The following PYGB variants were observed in gnomAD, a reference collection of about 807,000 sequenced individuals.
PYGB encodes glycogen phosphorylase B.
A neutral mutation model predicts 94.3 loss-of-function variants in PYGB; 82 were observed. The ratio of observed to expected loss-of-function variants is 0.87; its 90% confidence interval spans 0.73 to 1.04. The LOEUF is 1.04. Among genes scored for constraint, PYGB ranks in the 50% least tolerant of loss-of-function variants. The pLI is 0.00. For synonymous variants in PYGB, 488 were observed against 479.1 expected (o/e 1.02, Z -0.24); for missense variants, 1,132 against 1,158.2 (o/e 0.98, Z 0.33).
intron 16 of PYGB, among the ~76,000 whole-genome samples, chr20:25,291,229 G>C (rs563183059): frequency 3.9e-5 from 6 of 152,236 alleles, no homozygotes; most frequent in Non-Finnish European, 8.8e-5. Flanking sequence ...GCCTGGGCCA[G>C]TCCTGGGGAG....
rs1568705135 is a variant in PYGB at position 25,297,975 on chromosome 20, TAAA to T, written c.*1456_*1458del. On this transcript the variant is annotated 3_prime_UTR_variant, in exon 20 of 20. Transcript: ENST00000216962. ...CCCTCATTGTTACTGCCTTGTGAGA[TAAA>T]AACTGATTAAACCTTTGTGGCTGTG... 6.6e-6 allele frequency: 1 copy of T among 152,244 alleles called. No homozygotes were observed. Among genetic ancestry groups the T allele is most frequent in the African/African-American group, 2.4e-5 (1 of 41,388 alleles). The allele number at this position is 152,244 out of a possible 1,614,324, so 9.4% of individuals were successfully genotyped here.
intron 12 of PYGB, among the ~76,000 whole-genome samples, chr20:25,282,514 C>T (rs367700756): frequency 6.0e-4 from 91 of 152,382 alleles, no homozygotes; most frequent in African/African-American, 1.9e-3. Context: ...GAAATGAGTG[C>T]TGAGGTGTCA....
chr20:25,288,620 T>C (rs553242285), intron 15 of PYGB, 137 bp downstream of exon 15: 1 of 1,008,994 alleles, frequency 9.9e-7, no homozygotes, highest in South Asian at 1.5e-5. Flanking sequence ...CCCTCTGGTA[T>C]GCCTGTGGGG....
In PYGB at chr20:25,266,912, T is replaced by A. The variant is rs533090990; in HGVS notation, c.346-2217T>A. Among the ~76,000 whole-genome samples the A allele has an allele frequency of 8.8e-4, 134 of 152,312 alleles. 1 individual carries two copies. The highest frequency in any genetic ancestry group is 3.1e-3 in the African/African-American group (130 of 41,560). ...GTGACTGTCAAATCTTGCAGTCACTTTGGAAAATAGTCTGCTAGTTACTAA... is the reference window on the plus strand; with the variant it reads ...GTGACTGTCAAATCTTGCAGTCACTATGGAAAATAGTCTGCTAGTTACTAA... On this transcript the variant is annotated intron_variant, in intron 2 of 19. Transcript: ENST00000216962.
At chr20:25,294,330 G>A (rs41282332) in intron 18 of PYGB, 38 bp downstream of exon 18, 6 of 1,425,658 alleles carry the variant, frequency 4.2e-6, no homozygotes, top group Non-Finnish European at 5.9e-6. Flanking sequence ...CTGGGAGGGA[G>A]GGAGGGAGGG....
rs200510961 is a variant in PYGB at position 25,297,106 on chromosome 20, A to G, written c.*584A>G. The G allele has an allele frequency of 1.5e-4, 23 of 156,102 alleles. No individual in the cohort carries two copies. Among genetic ancestry groups the G allele is most frequent in the Non-Finnish European group, 2.7e-4 (19 of 70,422 alleles). The allele number at this position is 156,102 out of a possible 1,614,324, so 9.7% of individuals were successfully genotyped here. On this transcript the variant is annotated 3_prime_UTR_variant, in exon 20 of 20. Coordinates refer to ENST00000216962, the MANE Select transcript of PYGB (RefSeq NM_002862.4). ...TCTGTCCTGGCTCTGCACCTGGTAT[A>G]TGGGTCATGGACCCAGATGGGGCTT...
chr20:25,250,376 T>C (rs1187565009), intron 1 of PYGB, among the ~76,000 whole-genome samples: 2 of 152,166 alleles, frequency 1.3e-5, no homozygotes, highest in African/African-American at 4.8e-5. Context: ...GGTTTTTTGA[T>C]CCTCCGTGAG....
intron 3 of PYGB, 120 bp downstream of exon 3, chr20:25,269,327 A>G (rs1459941717): frequency 1.4e-6 from 1 of 697,314 alleles, no homozygotes; most frequent in African/African-American, 1.8e-5. Context: ...TGGATGGGCC[A>G]GTGTGTTCTT....
chr20:25,283,002 A>C (rs2088382372), intron 12 of PYGB, among the ~76,000 whole-genome samples, 174 bp from the exon 13 acceptor site: 1 of 151,968 alleles, frequency 6.6e-6, no homozygotes, highest in African/African-American at 2.4e-5. Flanking sequence ...AAGAGGAAGG[A>C]GGGGCTGCTG....
At position 25,274,718 on chromosome 20, in the gene PYGB, A is replaced by G. The variant is rs2088295846; in HGVS notation, c.655A>G (p.Thr219Ala). 6.2e-7 allele frequency: 1 copy of G among 1,612,470 alleles called. No individual in the cohort carries two copies. Among genetic ancestry groups the G allele is most frequent in the Non-Finnish European group, 8.5e-7 (1 of 1,179,726 alleles). The stretch of plus-strand genomic sequence containing the variant: ...CCCCGACGGCGTGAAGTGGCTGGAC[A>G]CACAGGTACCTGGGCTGAAATGTCT... ...HTPDGVKWLD[T>A]QVVLAMPYDT... The change falls in exon 5 of 20, where the codon ACA (threonine) becomes GCA (alanine). Residue 219 changes from threonine to alanine, a missense_variant. Transcript: ENST00000216962.
chr20:25,280,231 A>G (rs879215996), intron 9 of PYGB, 35 bp from the exon 10 acceptor site: 11 of 1,604,350 alleles, frequency 6.9e-6, no homozygotes, highest in Non-Finnish European at 8.5e-6. Context: ...GCTTGTTTCT[A>G]AACAAACACA....
intron 2 of PYGB, among the ~76,000 whole-genome samples, chr20:25,259,740 A>AGTT (rs1232858288): frequency 6.6e-6 from 1 of 152,050 alleles, no homozygotes; most frequent in African/African-American, 2.4e-5. Flanking sequence ...AGCTCACCCT[A>AGTT]GTTGTCTAGT....
rs539782148 is a variant in PYGB at position 25,296,205 on chromosome 20, G to C, written c.2380-165G>C. On this transcript the variant is annotated intron_variant, in intron 19 of 19. Coordinates refer to ENST00000216962, the MANE Select transcript of PYGB (RefSeq NM_002862.4). ...ATGCGGTAGCTTTCCTGGTCCGTGGGGTCCCCTTTTCAACGAACAAGTGAT... is the reference window on the plus strand; with the variant it reads ...ATGCGGTAGCTTTCCTGGTCCGTGGCGTCCCCTTTTCAACGAACAAGTGAT... Among the ~76,000 whole-genome samples, 2 of 152,270 alleles carry C rather than the reference G, an allele frequency of 1.3e-5. 1 individual carries two copies. Among genetic ancestry groups the C allele is most frequent in the African/African-American group, 4.8e-5 (2 of 41,556 alleles).
intron 18 of PYGB, chr20:25,294,641 C>T (rs996517781): frequency 4.0e-5 from 22 of 554,858 alleles, no homozygotes; most frequent in Non-Finnish European, 7.1e-5. Context: ...GGGCCCAAAA[C>T]TCCCTGGGGT....
chr20:25,263,595 G>A (rs1267392221), intron 2 of PYGB, among the ~76,000 whole-genome samples: 1 of 152,042 alleles, frequency 6.6e-6, no homozygotes, highest in African/African-American at 2.4e-5. Context: ...ATGATAAAGG[G>A]GATGTCACCA....
Position 25,292,778 on chromosome 20 carries a change from G to T in PYGB, c.2177+165G>T, listed in dbSNP as rs112099389. 1.2e-3 allele frequency among the ~76,000 whole-genome samples: 178 copies of T among 152,326 alleles called. 1 individual carries two copies. The highest frequency in any genetic ancestry group is 4.1e-3 in the African/African-American group (170 of 41,590). On this transcript the variant is annotated intron_variant, in intron 17 of 19. Transcript: ENST00000216962. Reference sequence around the variant, plus strand: ...TGCCTGCAGGGGTGACCATTTCCAGGTGCATGGAATGGACGGGGTCCGGGC... The same window carrying T: ...TGCCTGCAGGGGTGACCATTTCCAGTTGCATGGAATGGACGGGGTCCGGGC...
At chr20:25,256,773 G>T (rs1283632270) in intron 1 of PYGB, among the ~76,000 whole-genome samples, 3 of 152,240 alleles carry the variant, frequency 2.0e-5, no homozygotes, top group Admixed American at 1.3e-4. Flanking sequence ...AGAGGGGAGT[G>T]AGTGGAAAGA....
intron 2 of PYGB, among the ~76,000 whole-genome samples, chr20:25,266,131 G>A (rs780233596): frequency 2.1e-4 from 32 of 152,220 alleles, no homozygotes; most frequent in Non-Finnish European, 4.3e-4. Context: ...GATTTCAGGC[G>A]TGTGCCACTG....
Position 25,281,018 on chromosome 20 carries a change from T to C in PYGB, c.1309T>C (p.Cys437Arg). The change falls in exon 11 of 20, where the codon TGC (cysteine) becomes CGC (arginine). Residue 437 changes from cysteine to arginine, a missense_variant. Coordinates refer to ENST00000216962, the MANE Select transcript of PYGB (RefSeq NM_002862.4). ...RRMSVIEEGD[C>R]KRINMAHLCV... ...GATGTCTGTGATCGAGGAGGGGGAC[T>C]GCAAGCGGATCAACATGGCCCACCT... 1 of 1,614,180 alleles carries C rather than the reference T, an allele frequency of 6.2e-7. No homozygotes were observed. The highest frequency in any genetic ancestry group is 8.5e-7 in the Non-Finnish European group (1 of 1,180,002).
Sources: allele counts gnomAD v4.1 joint callset (sites outside exome capture counted in the v4.1 genomes callset), GRCh38; gene constraint gnomAD v4.1.1; transcripts MANE v1.5; gene names NCBI Gene and HGNC (gene_info 2026-07-23, HGNC 2026-07-21).